The following CYB5R4 variants were observed in gnomAD, a reference collection of about 807,000 sequenced individuals.
CYB5R4 encodes N-terminal cytochrome b5 and cytochrome b5 oxidoreductase domain-containing protein.
CYB5R4 carries 55 observed loss-of-function variants against 70.2 expected under a neutral mutation model. The ratio of observed to expected loss-of-function variants is 0.78; its 90% CI spans 0.63 to 0.98. The LOEUF (loss-of-function observed/expected upper bound fraction) is 0.98. Among genes scored for constraint, CYB5R4 ranks in the 50% least tolerant of loss-of-function variants. The pLI, the probability that CYB5R4 is intolerant of heterozygous loss-of-function variation, is 0.00. For missense variants in CYB5R4, 562 were observed against 612.6 expected (o/e 0.92, Z 0.87); for synonymous variants, 197 against 199.5 (o/e 0.99, Z 0.11).
At chr6:83,898,472 T>G (rs967333965) in intron 3 of CYB5R4, among the ~76,000 whole-genome samples, 6 of 152,218 alleles carry the variant, frequency 3.9e-5, no homozygotes, top group African/African-American at 1.4e-4. Context: ...CATGTGAACT[T>G]TAAAGTAGTT....
intron 10 of CYB5R4, chr6:83,926,189 G>A (rs1364431877): frequency 6.6e-6 from 1 of 152,078 alleles, no homozygotes; most frequent in Admixed American, 6.6e-5. Flanking sequence ...GCTTGTCAAC[G>A]GTTATATTCA....
At chr6:83,902,031 A>G (rs925632853) in intron 3 of CYB5R4, among the ~76,000 whole-genome samples, 3 of 152,088 alleles carry the variant, frequency 2.0e-5, no homozygotes, top group African/African-American at 7.2e-5. Context: ...AGTTTAATAT[A>G]GTTACATTTG....
At chr6:83,885,728 G>A (rs1468927320) in intron 2 of CYB5R4, among the ~76,000 whole-genome samples, 2 of 152,004 alleles carry the variant, frequency 1.3e-5, no homozygotes, top group Non-Finnish European at 2.9e-5. Flanking sequence ...TTTTATAGAT[G>A]GCTTTTCTTC....
At chr6:83,930,750 A>G (rs369409498) in intron 10 of CYB5R4, among the ~76,000 whole-genome samples, 2 of 151,784 alleles carry the variant, frequency 1.3e-5, no homozygotes. Flanking sequence ...TGAAACTTCT[A>G]TATTTGAAGC....
chr6:83,918,883 T>C (rs1217068045), intron 6 of CYB5R4, among the ~76,000 whole-genome samples: 1 of 152,122 alleles, frequency 6.6e-6, no homozygotes, highest in East Asian at 1.9e-4. Flanking sequence ...AATTAGACTA[T>C]ATAGGTGATA....
intron 9 of CYB5R4, among the ~76,000 whole-genome samples, chr6:83,923,912 A>T (rs957983307): frequency 6.6e-6 from 1 of 151,490 alleles, no homozygotes; most frequent in Non-Finnish European, 1.5e-5. Flanking sequence ...AAAAATAAAA[A>T]AAAAAAAATT....
chr6:83,960,019 C>A lies in CYB5R4; in HGVS notation c.*141C>A. The A allele has an allele frequency of 1.7e-6, 1 of 587,134 alleles. No homozygotes were observed. The highest frequency in any genetic ancestry group is 2.8e-6 in the Non-Finnish European group (1 of 357,952). 36.4% of individuals were successfully genotyped at this position (587,134 alleles called of 1,614,324 possible). ...GTTTCTTAAATGAAATCAAATGTTC[C>A]TTCAGTACAGGTAACTTCTTGGCTT... is the stretch of plus-strand genomic sequence containing the variant. On this transcript the variant is annotated 3_prime_UTR_variant, in exon 16 of 16. Transcript: ENST00000369681.
intron 3 of CYB5R4, among the ~76,000 whole-genome samples, chr6:83,906,834 C>T (rs2099463853): frequency 6.6e-6 from 1 of 152,046 alleles, no homozygotes; most frequent in Non-Finnish European, 1.5e-5. Flanking sequence ...TGGAATATAC[C>T]ATAAAGATTC....
chr6:83,959,796 A>T, intron 15 of CYB5R4, 28 bp from the exon 16 acceptor site: 1 of 1,580,348 alleles, frequency 6.3e-7, no homozygotes, highest in Non-Finnish European at 8.6e-7. Flanking sequence ...TTTCCCTAAG[A>T]AACATGTGCT....
At chr6:83,929,760 A>G (rs538390424) in intron 10 of CYB5R4, among the ~76,000 whole-genome samples, 1 of 152,328 alleles carries the variant, frequency 6.6e-6, no homozygotes, top group East Asian at 1.9e-4. Flanking sequence ...TTTTATCTTA[A>G]TTGATACTGT....
intron 3 of CYB5R4, among the ~76,000 whole-genome samples, chr6:83,902,391 A>G (rs527244499): frequency 2.6e-5 from 4 of 152,060 alleles, no homozygotes; most frequent in Non-Finnish European, 4.4e-5. Context: ...GTCTAGTTTC[A>G]TACCAATACT....
At chr6:83,936,467 A>G in intron 12 of CYB5R4, 91 bp downstream of exon 12, 7 of 1,150,694 alleles carry the variant, frequency 6.1e-6, no homozygotes, top group Non-Finnish European at 8.7e-6. Flanking sequence ...TCTATCAGAT[A>G]TCTTTAACTC....
At chr6:83,905,803 A>G (rs919412085) in intron 3 of CYB5R4, among the ~76,000 whole-genome samples, 2 of 151,096 alleles carry the variant, frequency 1.3e-5, no homozygotes, top group African/African-American at 4.9e-5. Flanking sequence ...TCGCAGGATG[A>G]CCTCTGGGTC....
In CYB5R4 at chr6:83,864,212, T is replaced by C. The variant is rs754483603; in HGVS notation, c.113T>C (p.Ile38Thr). The C allele has an allele frequency of 6.2e-7, 1 of 1,612,672 alleles. No individual in the cohort carries two copies. Among genetic ancestry groups the C allele is most frequent in the Non-Finnish European group, 8.5e-7 (1 of 1,179,354 alleles). The change falls in exon 2 of 16, where the codon ATT (isoleucine) becomes ACT (threonine). Residue 38 changes from isoleucine (I) to threonine (T), a missense_variant. Ile to Thr is a moderately conservative substitution (Grantham distance 89). Coordinates refer to ENST00000369681, the MANE Select transcript of CYB5R4 (RefSeq NM_016230.4). The part of the protein sequence containing the change: ...LKQGRSLMDW[I>T]RLTKSGKDLT... Reference sequence around the variant, plus strand: ...CAGGGCAGAAGCCTTATGGATTGGATTCGACTGACCAAAAGTGGAAAGGAT... The same window carrying C: ...CAGGGCAGAAGCCTTATGGATTGGACTCGACTGACCAAAAGTGGAAAGGAT...
chr6:83,862,899 A>G (rs1374696772), intron 1 of CYB5R4, among the ~76,000 whole-genome samples: 2 of 152,244 alleles, frequency 1.3e-5, no homozygotes, highest in Non-Finnish European at 2.9e-5. Context: ...TTGATAGGAT[A>G]GAATGTGAAA....
chr6:83,922,611 TG>T, intron 9 of CYB5R4, 141 bp downstream of exon 9: 1 of 614,544 alleles, frequency 1.6e-6, no homozygotes, highest in Non-Finnish European at 2.8e-6. Flanking sequence ...AAAGATGTGA[TG>T]TTTTCTCTTT....
chr6:83,889,115 T>C (rs1293625103), intron 2 of CYB5R4, among the ~76,000 whole-genome samples: 1 of 152,204 alleles, frequency 6.6e-6, no homozygotes, highest in East Asian at 1.9e-4. Context: ...TTTAAGGAAA[T>C]AAGCCACCTT....
intron 3 of CYB5R4, among the ~76,000 whole-genome samples, chr6:83,898,118 T>C (rs1029940208): frequency 1.3e-5 from 2 of 152,260 alleles, no homozygotes; most frequent in African/African-American, 4.8e-5. Flanking sequence ...AAGTCTTTAA[T>C]CCATCTTGAA....
chr6:83,937,588 C>T (rs13197304), intron 12 of CYB5R4, among the ~76,000 whole-genome samples: 6,689 of 152,186 alleles, frequency 0.044, 153 homozygotes, highest in African/African-American at 0.05. Flanking sequence ...GGCTCGATCT[C>T]AGCTCACTGC....
Sources: allele counts gnomAD v4.1 joint callset (sites outside exome capture counted in the v4.1 genomes callset), GRCh38; gene constraint gnomAD v4.1.1; transcripts MANE v1.5; gene names NCBI Gene and HGNC (gene_info 2026-07-23, HGNC 2026-07-21).